Variants in PLGRKT observed in about 807,000 individuals in gnomAD.
PLGRKT encodes plasminogen receptor with a C-terminal lysine.
A neutral mutation model predicts 18.5 loss-of-function variants in PLGRKT; 22 were observed. The observed-to-expected ratio is 1.19, with a 90% CI of 0.85 to 1.70. The LOEUF (loss-of-function observed/expected upper bound fraction) is 1.70, where lower values mean the gene tolerates loss of function less well. Ranked by LOEUF, PLGRKT falls within the 40% of genes most tolerant of loss-of-function variation. PLGRKT has a pLI of 0.00. For synonymous variants in PLGRKT, 72 were observed against 52.8 expected (o/e 1.36, Z -1.58); for missense variants, 235 against 174.4 (o/e 1.35, Z -1.96).
intron 3 of PLGRKT, among the ~76,000 whole-genome samples, chr9:5,393,170 C>A (rs542831734): frequency 6.6e-6 from 1 of 151,912 alleles, no homozygotes; most frequent in South Asian, 2.1e-4. Flanking sequence ...AAACTATTTG[C>A]GACATTATAA....
intron 3 of PLGRKT, among the ~76,000 whole-genome samples, chr9:5,372,170 G>A (rs1347756416): frequency 2.6e-5 from 4 of 151,438 alleles, no homozygotes; most frequent in African/African-American, 4.9e-5. Flanking sequence ...TTATAGAGAT[G>A]GGGTTTCACC....
intron 3 of PLGRKT, among the ~76,000 whole-genome samples, chr9:5,409,605 C>G (rs1193310836): frequency 6.6e-6 from 1 of 152,220 alleles, no homozygotes; most frequent in African/African-American, 2.4e-5. Context: ...GCCACAGACA[C>G]TCAACACCAG....
intron 3 of PLGRKT, among the ~76,000 whole-genome samples, chr9:5,371,422 C>A (rs7024531): frequency 2.0e-4 from 31 of 152,092 alleles, no homozygotes; most frequent in African/African-American, 7.5e-4. Flanking sequence ...GCCAGTTTTT[C>A]CCATGCTATT....
At chr9:5,380,650 A>G (rs753863599) in intron 3 of PLGRKT, among the ~76,000 whole-genome samples, 2 of 152,170 alleles carry the variant, frequency 1.3e-5, no homozygotes, top group Non-Finnish European at 2.9e-5. Flanking sequence ...ATTCACTTTT[A>G]AATTTTATTT....
At chr9:5,429,498 C>A (rs1818772946) in intron 3 of PLGRKT, among the ~76,000 whole-genome samples, 1 of 152,188 alleles carries the variant, frequency 6.6e-6, no homozygotes. Flanking sequence ...TTGTTCCTTA[C>A]TAAGGCTGTG....
intron 2 of PLGRKT, among the ~76,000 whole-genome samples, chr9:5,435,352 C>T (rs993849811): frequency 6.8e-6 from 1 of 147,954 alleles, no homozygotes; most frequent in African/African-American, 2.5e-5. Flanking sequence ...GAAGATTGAG[C>T]TGTCTCAAGG....
intron 3 of PLGRKT, among the ~76,000 whole-genome samples, chr9:5,422,244 G>C (rs1352502979): frequency 6.6e-6 from 1 of 152,270 alleles, no homozygotes; most frequent in East Asian, 1.9e-4. Flanking sequence ...GGTAGATCAG[G>C]TCGATATGAC....
At chr9:5,377,122 T>C (rs1817643742) in intron 3 of PLGRKT, among the ~76,000 whole-genome samples, 1 of 152,136 alleles carries the variant, frequency 6.6e-6, no homozygotes, top group South Asian at 2.1e-4. Context: ...CAACAAAATA[T>C]CCTGCAACCG....
At chr9:5,360,042 T>C (rs77845561) in intron 5 of PLGRKT, among the ~76,000 whole-genome samples, 2,399 of 152,306 alleles carry the variant, frequency 0.016, 36 homozygotes, top group Non-Finnish European at 0.022. Flanking sequence ...TGAGAGAGTA[T>C]AATGGATGAT....
intron 3 of PLGRKT, among the ~76,000 whole-genome samples, chr9:5,365,041 C>T (rs756215257): frequency 6.6e-6 from 1 of 152,098 alleles, no homozygotes; most frequent in Non-Finnish European, 1.5e-5. Flanking sequence ...ACTGACAGGG[C>T]ATAGAGGCAA....
At chr9:5,425,513 G>C (rs987999654) in intron 3 of PLGRKT, among the ~76,000 whole-genome samples, 1 of 152,124 alleles carries the variant, frequency 6.6e-6, no homozygotes, top group African/African-American at 2.4e-5. Context: ...TTGAAAACTT[G>C]CTTGGTTTCT....
chr9:5,429,709 C>T (rs1393392597), intron 3 of PLGRKT, among the ~76,000 whole-genome samples: 1 of 152,206 alleles, frequency 6.6e-6, no homozygotes, highest in Non-Finnish European at 1.5e-5. Flanking sequence ...TCTGTAAAGA[C>T]CCTATCTCCA....
chr9:5,378,955 A>G (rs904011945), intron 3 of PLGRKT, among the ~76,000 whole-genome samples: 3 of 152,146 alleles, frequency 2.0e-5, no homozygotes, highest in Non-Finnish European at 2.9e-5. Context: ...TGCCACAATA[A>G]AACATCCCAA....
intron 3 of PLGRKT, among the ~76,000 whole-genome samples, chr9:5,377,485 A>C (rs1817652318): frequency 6.6e-6 from 1 of 152,190 alleles, no homozygotes; most frequent in South Asian, 2.1e-4. Flanking sequence ...TATCTATATA[A>C]AAATAAGCTA....
Position 5,435,078 on chromosome 9 carries a change from G to C in PLGRKT, c.-7+1491C>G, listed in dbSNP as rs553391226. On this transcript the variant is annotated intron_variant, in intron 2 of 5. Coordinates refer to ENST00000223864, the MANE Select transcript of PLGRKT (RefSeq NM_018465.4). The stretch of plus-strand genomic sequence containing the variant: ...CAACTCAGGGTTAAATGGATTAAGG[G>C]TGGTGCAAGATGTGCTTTGTTAAAC... Among the ~76,000 whole-genome samples, 1,253 of 151,810 alleles carry C rather than the reference G, an allele frequency of 8.3e-3. 21 individuals carry two copies. Among genetic ancestry groups the C allele is most frequent in the African/African-American group, 0.029 (1,218 of 41,346 alleles).
chr9:5,410,668 C>T (rs957997538), intron 3 of PLGRKT, among the ~76,000 whole-genome samples: 10 of 152,118 alleles, frequency 6.6e-5, no homozygotes, highest in Admixed American at 3.3e-4. Context: ...TTTGTTCATA[C>T]TGAAACTTTG....
chr9:5,361,114 C>A lies in PLGRKT; in HGVS notation c.286G>T (p.Asp96Tyr), dbSNP rs1454073225. The A allele has an allele frequency of 1.2e-6, 2 of 1,606,400 alleles. No homozygotes were observed. The highest frequency in any genetic ancestry group is 1.1e-5 in the South Asian group (1 of 90,742). ...PLSFILTYQY[D>Y]LGYGTLLERM... ...TCTAAAAGGGTTCCATAGCCCAAGT[C>A]ATACTGGTAGGTGAGGATAAAGCTT... Residue 96 changes from aspartate (D) to tyrosine (Y), a missense_variant, in exon 5 of 6, where the codon GAC (aspartate) becomes TAC (tyrosine). Physicochemically the swap from Asp to Tyr is radical, Grantham distance 160 (BLOSUM62 -3). Coordinates refer to ENST00000223864, the MANE Select transcript of PLGRKT (RefSeq NM_018465.4).
intron 3 of PLGRKT, among the ~76,000 whole-genome samples, chr9:5,364,820 T>C (rs1462129924): frequency 3.9e-5 from 6 of 152,146 alleles, no homozygotes; most frequent in African/African-American, 1.4e-4. Context: ...TTTCTTATTA[T>C]TAAACAGGGA....
chr9:5,424,243 T>C (rs1305293306), intron 3 of PLGRKT, among the ~76,000 whole-genome samples: 3 of 137,744 alleles, frequency 2.2e-5, no homozygotes, highest in Non-Finnish European at 4.5e-5. Flanking sequence ...ATATGTGTCA[T>C]ATAGTATATA....
Sources: gnomAD v4.1 joint callset for allele counts (sites outside exome capture counted in the v4.1 genomes callset) on GRCh38, gnomAD v4.1.1 for gene constraint, MANE v1.5 for transcripts, NCBI Gene and HGNC (gene_info 2026-07-23, HGNC 2026-07-21) for gene names.